Variants in PPP2R5C observed in about 807,000 individuals in gnomAD.
PPP2R5C encodes protein phosphatase 2 regulatory subunit B'gamma.
In PPP2R5C, 7 loss-of-function variants were observed where a neutral mutation model predicts 68.9. That is an observed-to-expected ratio of 0.10 (90% CI 0.06 to 0.19). The LOEUF (loss-of-function observed/expected upper bound fraction) is 0.19, where lower values mean the gene tolerates loss of function less well. Among genes scored for constraint, PPP2R5C ranks in the 10% least tolerant of loss-of-function variants. The probability of loss-of-function intolerance (pLI) is 1.00; values close to 1 mark genes in which losing one functional copy is unlikely to be tolerated. For missense variants in PPP2R5C, 348 were observed against 641.3 expected (o/e 0.54, Z 4.94); for synonymous variants, 210 against 222.2 (o/e 0.95, Z 0.49).
chr14:101,824,608 C>T (rs142586819), intron 1 of PPP2R5C: 1 of 157,304 alleles, frequency 6.4e-6, no homozygotes, highest in East Asian at 1.9e-4. Flanking sequence ...AATGGAAGGA[C>T]AACATGATAC....
intron 3 of PPP2R5C, among the ~76,000 whole-genome samples, chr14:101,798,839 A>T (rs1014626758): frequency 6.6e-6 from 1 of 152,188 alleles, no homozygotes; most frequent in Non-Finnish European, 1.5e-5. Flanking sequence ...GAAGGCAGGT[A>T]GGCATGTCAC....
chr14:101,850,192 G>A (rs1232709279), intron 1 of PPP2R5C, among the ~76,000 whole-genome samples: 7 of 152,262 alleles, frequency 4.6e-5, no homozygotes, highest in African/African-American at 1.2e-4. Flanking sequence ...TCCTCTCAGC[G>A]TTGCCCAGAG....
chr14:101,875,441 C>T (rs1033398403), intron 2 of PPP2R5C, among the ~76,000 whole-genome samples: 3 of 152,130 alleles, frequency 2.0e-5, no homozygotes, highest in Admixed American at 1.3e-4. Context: ...GCAGCTGAGA[C>T]GTAAAGGTTT....
intron 2 of PPP2R5C, chr14:101,766,527 G>T (rs1469278131): frequency 6.6e-6 from 1 of 152,196 alleles, no homozygotes; most frequent in African/African-American, 2.4e-5. Context: ...TCTATTAAAG[G>T]TCATAACTGC....
chr14:101,819,166 G>T, intron 1 of PPP2R5C: 1 of 1,361,696 alleles, frequency 7.3e-7, no homozygotes, highest in Non-Finnish European at 1.0e-6. Context: ...ATGGGTTGTC[G>T]GTTTTGGTTT....
chr14:101,773,423 A>G (rs2037255819), intron 2 of PPP2R5C, among the ~76,000 whole-genome samples: 2 of 151,980 alleles, frequency 1.3e-5, no homozygotes, highest in African/African-American at 4.8e-5. Flanking sequence ...ATGACATGAA[A>G]AGTGAAATGT....
chr14:101,811,524 G>A (rs922675347), intron 1 of PPP2R5C, among the ~76,000 whole-genome samples: 24 of 151,920 alleles, frequency 1.6e-4, no homozygotes, highest in African/African-American at 5.6e-4. Flanking sequence ...AATATTTTTT[G>A]TAGAGATGGG....
At chr14:101,808,112 G>C (rs2039147036), upstream of PPP2R5C, among the ~76,000 whole-genome samples, 2 of 151,266 alleles carry the variant, frequency 1.3e-5, no homozygotes, top group South Asian at 4.2e-4. Context: ...GGAGGAGGAG[G>C]CTGGGGTGTG....
intron 2 of PPP2R5C, among the ~76,000 whole-genome samples, chr14:101,858,725 T>G (rs2042582067): frequency 6.6e-6 from 1 of 152,218 alleles, no homozygotes; most frequent in Non-Finnish European, 1.5e-5. Flanking sequence ...TTTACACGTG[T>G]GGAAGATTTT....
At chr14:101,785,604 A>G (rs907082518) in intron 2 of PPP2R5C, among the ~76,000 whole-genome samples, 2 of 152,030 alleles carry the variant, frequency 1.3e-5, no homozygotes, top group African/African-American at 4.8e-5. Flanking sequence ...ATTCCCTTGG[A>G]CCCACCTGGA....
chr14:101,762,350 C>A (rs938964981), intron 1 of PPP2R5C, among the ~76,000 whole-genome samples: 2 of 152,084 alleles, frequency 1.3e-5, no homozygotes, highest in Non-Finnish European at 2.9e-5. Flanking sequence ...TGGGGAGGGA[C>A]CCCTGTACGG....
chr14:101,862,207 C>T (rs923406624), intron 2 of PPP2R5C, among the ~76,000 whole-genome samples: 2 of 152,220 alleles, frequency 1.3e-5, no homozygotes, highest in Admixed American at 6.6e-5. Flanking sequence ...TGAACTATCG[C>T]ACCCAGCCAG....
chr14:101,852,463 C>CTTTTTTTTTT (rs2042218485), intron 1 of PPP2R5C, among the ~76,000 whole-genome samples: 1 of 126,192 alleles, frequency 7.9e-6, no homozygotes, highest in African/African-American at 2.9e-5. Flanking sequence ...TTTTCATTTT[C>CTTTTTTTTTT]TTTTTCTTTT....
In PPP2R5C at chr14:101,780,119, C is replaced by T. The variant is rs115063618; in HGVS notation, c.94-5899C>T. 1.1e-3 allele frequency among the ~76,000 whole-genome samples: 167 copies of T among 152,202 alleles called. 1 individual carries two copies. Among genetic ancestry groups the T allele is most frequent in the African/African-American group, 3.9e-3 (160 of 41,530 alleles). On this transcript the variant is annotated intron_variant, in intron 2 of 14. Transcript: ENST00000328724. ...AGTCATCGTATTTTATTTGTAAGTC[C>T]CACCTGTGGTATCCTCCAACAAGGA...
At chr14:101,768,278 A>G (rs2036961937) in intron 2 of PPP2R5C, among the ~76,000 whole-genome samples, 1 of 152,202 alleles carries the variant, frequency 6.6e-6, no homozygotes, top group African/African-American at 2.4e-5. Context: ...CCTGGCACAT[A>G]TTCATCTGAG....
At chr14:101,845,841 C>A (rs562494204) in intron 1 of PPP2R5C, among the ~76,000 whole-genome samples, 1 of 152,180 alleles carries the variant, frequency 6.6e-6, no homozygotes, top group Admixed American at 6.5e-5. Flanking sequence ...GGATAAACCA[C>A]AGCATTGGAA....
chr14:101,812,105 T>C (rs1407040760), intron 1 of PPP2R5C, among the ~76,000 whole-genome samples: 3 of 152,230 alleles, frequency 2.0e-5, no homozygotes, highest in South Asian at 2.1e-4. Flanking sequence ...ATAAAGACTT[T>C]TCTGGAGCGA....
At chr14:101,760,747 A>T (rs1595370626), upstream of PPP2R5C, 1 of 138,982 alleles carries the variant, frequency 7.2e-6, no homozygotes, top group Non-Finnish European at 8.3e-6. Context: ...GGGCTGGTCG[A>T]GGGGAGGGGC....
At chr14:101,837,639 A>G (rs898167934) in intron 1 of PPP2R5C, among the ~76,000 whole-genome samples, 2 of 152,214 alleles carry the variant, frequency 1.3e-5, no homozygotes. Context: ...CGCTCAAGCA[A>G]AACTTCCATG....
Sources: allele counts gnomAD v4.1 joint callset (sites outside exome capture counted in the v4.1 genomes callset), GRCh38; gene constraint gnomAD v4.1.1; transcripts MANE v1.5; gene names NCBI Gene and HGNC (gene_info 2026-07-23, HGNC 2026-07-21).